Variants in CCDC148 observed in about 807,000 individuals in gnomAD.
CCDC148 encodes the protein coiled-coil domain-containing protein 148.
Under a neutral mutation model 85.7 loss-of-function variants are expected in CCDC148, and 89 were observed. The observed-to-expected ratio is 1.04, with a 90% CI of 0.87 to 1.24. The LOEUF is 1.24. Ranked by LOEUF, CCDC148 falls within the 50% of genes most tolerant of loss-of-function variation. CCDC148 has a pLI of 0.00. For synonymous variants in CCDC148, 230 were observed against 213.9 expected (o/e 1.08, Z -0.66); for missense variants, 692 against 671.7 (o/e 1.03, Z -0.33).
chr2:158,193,658 T>C (rs1222768048), intron 11 of CCDC148, among the ~76,000 whole-genome samples: 2 of 152,110 alleles, frequency 1.3e-5, no homozygotes, highest in Admixed American at 6.6e-5. Flanking sequence ...GTATAGTTGA[T>C]GGAAACTTTT....
rs1461687098 is a variant in CCDC148 at position 158,405,180 on chromosome 2, G to A, written c.26-46610C>T. On this transcript the variant is annotated intron_variant, in intron 1 of 13. Coordinates refer to ENST00000283233, the MANE Select transcript of CCDC148 (RefSeq NM_138803.4). ...TAGGGCCAGGAGGAACAGGGGAACA[G>A]GGAAGGAGTAGTCACAAGACTTCTC... 2.0e-5 allele frequency among the ~76,000 whole-genome samples: 3 copies of A among 152,270 alleles called. No individual in the cohort carries two copies. In the East Asian group the frequency reaches 5.8e-4, roughly 29 times the overall value.
intron 1 of CCDC148, among the ~76,000 whole-genome samples, chr2:158,435,480 A>C (rs567103817): frequency 1.3e-5 from 2 of 152,310 alleles, no homozygotes; most frequent in South Asian, 4.1e-4. Context: ...GAAGGAAGCA[A>C]TAAACATGGA....
At chr2:158,206,262 T>C (rs895317380) in intron 11 of CCDC148, among the ~76,000 whole-genome samples, 2 of 152,170 alleles carry the variant, frequency 1.3e-5, no homozygotes, top group African/African-American at 4.8e-5. Context: ...TAGGAGTACC[T>C]AAGCAGTACC....
intron 1 of CCDC148, among the ~76,000 whole-genome samples, chr2:158,432,973 C>T (rs1687424059): frequency 6.7e-6 from 1 of 149,886 alleles, no homozygotes; most frequent in Admixed American, 6.7e-5. Flanking sequence ...TGCAATGGCT[C>T]ACACCTGTAA....
At position 158,345,195 on chromosome 2, in the gene CCDC148, C is replaced by T. The variant is rs1682931231; in HGVS notation, c.251+20G>A. The stretch of plus-strand genomic sequence containing the variant: ...TCCTAGTAATTCCTACGTGTTCTTA[C>T]TATGTCCCCCAGTTCTTACCTGACT... On this transcript the variant is annotated intron_variant, in intron 3 of 13. Transcript: ENST00000283233. The T allele has an allele frequency of 6.4e-7, 1 of 1,568,302 alleles. No homozygotes were observed. Among genetic ancestry groups the T allele is most frequent in the African/African-American group, 1.4e-5 (1 of 73,888 alleles).
intron 1 of CCDC148, among the ~76,000 whole-genome samples, chr2:158,397,691 A>G (rs1685586764): frequency 6.6e-6 from 1 of 152,206 alleles, no homozygotes; most frequent in African/African-American, 2.4e-5. Context: ...AATTGTAAAG[A>G]CCATAGACAC....
intron 9 of CCDC148, among the ~76,000 whole-genome samples, chr2:158,254,409 A>G (rs902705570): frequency 5.3e-5 from 8 of 151,686 alleles, no homozygotes; most frequent in Admixed American, 1.3e-4. Context: ...TATTATTTCA[A>G]GGGGCAGGAG....
chr2:158,354,988 T>A (rs1279926590), intron 2 of CCDC148, among the ~76,000 whole-genome samples: 2 of 152,170 alleles, frequency 1.3e-5, no homozygotes, highest in Non-Finnish European at 2.9e-5. Context: ...CACATCATTA[T>A]CTCAATAGAT....
At chr2:158,448,002 T>C (rs1400597692) in intron 1 of CCDC148, among the ~76,000 whole-genome samples, 3 of 152,184 alleles carry the variant, frequency 2.0e-5, no homozygotes, top group Non-Finnish European at 4.4e-5. Context: ...TTTTCAGATA[T>C]AATTTTAGCT....
At chr2:158,208,803 CTT>C (rs920985293) in intron 11 of CCDC148, among the ~76,000 whole-genome samples, 10 of 152,104 alleles carry the variant, frequency 6.6e-5, no homozygotes, top group African/African-American at 2.4e-4. Flanking sequence ...CCACAAAAAT[CTT>C]TTTACCACAA....
chr2:158,212,046 G>A (rs376922019), intron 11 of CCDC148, among the ~76,000 whole-genome samples: 5 of 152,136 alleles, frequency 3.3e-5, no homozygotes, highest in East Asian at 1.9e-4. Context: ...ATTACTGTTG[G>A]CCACCAATGA....
intron 9 of CCDC148, among the ~76,000 whole-genome samples, chr2:158,307,445 G>C (rs1691746474): frequency 1.3e-5 from 2 of 152,206 alleles, no homozygotes; most frequent in South Asian, 4.1e-4. Context: ...TGAAGCAACT[G>C]AATTCGGTTG....
chr2:158,354,108 G>A (rs1416993710), intron 2 of CCDC148, among the ~76,000 whole-genome samples: 3 of 151,546 alleles, frequency 2.0e-5, no homozygotes, highest in Non-Finnish European at 3.0e-5. Context: ...AGCACTAAAT[G>A]CCCACAAGAG....
At chr2:158,228,151 A>T (rs1253931307) in intron 10 of CCDC148, among the ~76,000 whole-genome samples, 2 of 152,248 alleles carry the variant, frequency 1.3e-5, no homozygotes, top group Admixed American at 1.3e-4. Flanking sequence ...GGCAAAAGAT[A>T]TGAACAGACA....
At chr2:158,389,319 C>T (rs1269503636) in intron 1 of CCDC148, among the ~76,000 whole-genome samples, 1 of 152,084 alleles carries the variant, frequency 6.6e-6, no homozygotes, top group African/African-American at 2.4e-5. Context: ...AACCAGGACT[C>T]CTTTCAACTA....
At chr2:158,312,536 C>T (rs553885265) in intron 8 of CCDC148, among the ~76,000 whole-genome samples, 20 of 142,454 alleles carry the variant, frequency 1.4e-4, no homozygotes, top group Non-Finnish European at 2.2e-4. Context: ...GAGCCAAGAT[C>T]GCACCACTGC....
At chr2:158,371,212 T>C (rs1266094838) in intron 1 of CCDC148, among the ~76,000 whole-genome samples, 3 of 148,890 alleles carry the variant, frequency 2.0e-5, no homozygotes, top group East Asian at 2.0e-4. Flanking sequence ...ATTCATGATA[T>C]TGATACTGAA....
chr2:158,209,711 CTAAG>C (rs1686452106), intron 11 of CCDC148, among the ~76,000 whole-genome samples: 1 of 152,306 alleles, frequency 6.6e-6, no homozygotes, highest in African/African-American at 2.4e-5. Context: ...TCCAGCCAAA[CTAAG>C]CTTCGTAAGC....
At chr2:158,363,929 C>A (rs1684081109) in intron 1 of CCDC148, among the ~76,000 whole-genome samples, 1 of 152,132 alleles carries the variant, frequency 6.6e-6, no homozygotes, top group Admixed American at 6.6e-5. Context: ...CGTCTCAGCC[C>A]AAAATGTCTT....
Sources: gnomAD v4.1 joint callset for allele counts (sites outside exome capture counted in the v4.1 genomes callset) on GRCh38, gnomAD v4.1.1 for gene constraint, MANE v1.5 for transcripts, NCBI Gene and HGNC (gene_info 2026-07-23, HGNC 2026-07-21) for gene names.